Variants in ATP10B observed in about 807,000 individuals in gnomAD.
ATP10B encodes the protein phospholipid-transporting ATPase VB.
A neutral mutation model predicts 141.2 loss-of-function variants in ATP10B; 122 were observed. The observed-to-expected ratio is 0.86, with a 90% CI of 0.75 to 1.00. The LOEUF (loss-of-function observed/expected upper bound fraction) is 1.00. Ranked by LOEUF, ATP10B falls within the 50% of genes least tolerant of loss-of-function variation. The pLI, the probability that ATP10B is intolerant of heterozygous loss-of-function variation, is 0.00. For synonymous variants in ATP10B, 685 were observed against 692.0 expected, an observed-to-expected ratio of 0.99 and a Z score of 0.16; for missense variants, 1,876 against 1,825.3, an observed-to-expected ratio of 1.03 and a Z score of -0.51.
In ATP10B at chr5:160,638,004, C is replaced by T. The variant is rs1759543824; in HGVS notation, c.1001-1695G>A. Among the ~76,000 whole-genome samples the T allele has an allele frequency of 2.6e-5, 4 of 152,140 alleles. No individual in the cohort carries two copies. The South Asian group carries it at 8.3e-4, about 32-fold the overall frequency. ...GAGAAGGCTGAATGGATGAGGAGGA[C>T]TTGAGGGGGTCCTGGAGCCCCAGCA... is the stretch of plus-strand genomic sequence containing the variant. On this transcript the variant is annotated intron_variant, in intron 10 of 25. Coordinates refer to ENST00000327245, the MANE Select transcript of ATP10B (RefSeq NM_025153.3).
intron 8 of ATP10B, 111 bp from the exon 9 acceptor site, chr5:160,644,355 G>GT: frequency 2.7e-6 from 2 of 738,606 alleles, no homozygotes; most frequent in Non-Finnish European, 2.4e-6. Flanking sequence ...TCTCCTCCCT[G>GT]TTTTTTCAGA....
chr5:160,800,938 C>T (rs1772335019), intron 1 of ATP10B, among the ~76,000 whole-genome samples: 2 of 152,154 alleles, frequency 1.3e-5, no homozygotes, highest in Admixed American at 1.3e-4. Context: ...CTTTCTTTTG[C>T]TTCTTATTAA....
chr5:160,578,259 C>T (rs571872656), intron 24 of ATP10B, among the ~76,000 whole-genome samples: 3 of 152,052 alleles, frequency 2.0e-5, no homozygotes, highest in Admixed American at 1.3e-4. Flanking sequence ...AGGTTTGTTA[C>T]GTAGGCATAC....
the ATP10B span, among the ~76,000 whole-genome samples, chr5:160,886,636 G>A: frequency 7.0e-4 from 107 of 152,254 alleles, no homozygotes; most frequent in South Asian, 0.018. Context: ...CGCAAGAATT[G>A]GCTGATCTGA....
chr5:160,766,335 AG>A (rs1449662979), intron 2 of ATP10B, among the ~76,000 whole-genome samples: 6 of 117,156 alleles, frequency 5.1e-5, no homozygotes, highest in Non-Finnish European at 9.2e-5. Context: ...GTGGATAAAG[AG>A]AACACACACA....
intron 2 of ATP10B, among the ~76,000 whole-genome samples, chr5:160,784,981 A>G (rs1299044941): frequency 6.6e-6 from 1 of 152,186 alleles, no homozygotes. Context: ...AGGGACTAAC[A>G]GTTATTCTAA....
intron 2 of ATP10B, among the ~76,000 whole-genome samples, chr5:160,719,048 G>A (rs1444296187): frequency 2.0e-5 from 3 of 152,140 alleles, no homozygotes; most frequent in African/African-American, 7.2e-5. Context: ...GGAACAATTA[G>A]CCAATAAATA....
chr5:160,632,498 G>A (rs1314071269), intron 12 of ATP10B, 131 bp from the exon 13 acceptor site: 10 of 785,076 alleles, frequency 1.3e-5, no homozygotes, highest in African/African-American at 1.2e-4. Flanking sequence ...ATTGGCATCT[G>A]GGCTACCAAG....
Position 160,824,845 on chromosome 5 carries a change from G to A in ATP10B, c.-576+27096C>T, listed in dbSNP as rs202171415. On this transcript the variant is annotated intron_variant, in intron 1 of 25. Transcript: ENST00000327245. ...TTCAATTGCATGTGAGAAGGCACTA[G>A]CCTGGGTGTCAAGGATCTTTCTAGT... 2.0e-5 allele frequency among the ~76,000 whole-genome samples: 3 copies of A among 152,252 alleles called. No individual in the cohort carries two copies. In the East Asian group the frequency reaches 5.8e-4, roughly 29 times the overall value.
chr5:160,799,961 G>C (rs13175076), intron 1 of ATP10B, among the ~76,000 whole-genome samples: 55 of 152,138 alleles, frequency 3.6e-4, no homozygotes, highest in Middle Eastern at 3.4e-3. Flanking sequence ...GGAGCACTCA[G>C]TGCCAGTTAC....
intron 2 of ATP10B, among the ~76,000 whole-genome samples, chr5:160,720,801 T>C (rs1052662383): frequency 6.6e-6 from 1 of 152,240 alleles, no homozygotes; most frequent in Non-Finnish European, 1.5e-5. Flanking sequence ...AAGAGAAATG[T>C]TGCCTTGGTC....
At chr5:160,604,721 T>C (rs6871675) in intron 19 of ATP10B, among the ~76,000 whole-genome samples, 120,246 of 149,908 alleles carry the variant, frequency 0.8, 47,729 homozygotes, top group East Asian at 0.85. Context: ...CACACACACA[T>C]AAACACACAC....
chr5:160,893,120 C>T, the ATP10B span, among the ~76,000 whole-genome samples: 7 of 152,100 alleles, frequency 4.6e-5, no homozygotes, highest in Non-Finnish European at 7.3e-5. Context: ...ACTGGGAGGC[C>T]GTTTGGGCAG....
At chr5:160,871,985 T>C in the ATP10B span, among the ~76,000 whole-genome samples, 1 of 152,170 alleles carries the variant, frequency 6.6e-6, no homozygotes, top group Non-Finnish European at 1.5e-5. Context: ...TTTTCCATAG[T>C]GGCTGTACTA....
intron 2 of ATP10B, among the ~76,000 whole-genome samples, chr5:160,726,435 T>C (rs1179259646): frequency 6.6e-6 from 1 of 152,194 alleles, no homozygotes; most frequent in East Asian, 1.9e-4. Context: ...CATTACAAAG[T>C]GTGAGTCCTG....
intron 24 of ATP10B, among the ~76,000 whole-genome samples, chr5:160,578,384 T>A (rs755380406): frequency 3.9e-5 from 6 of 152,150 alleles, no homozygotes; most frequent in Non-Finnish European, 4.4e-5. Context: ...TTGCCCTCCC[T>A]GTGTCCATGT....
At chr5:160,915,392 T>C in the ATP10B span, among the ~76,000 whole-genome samples, 17 of 151,632 alleles carry the variant, frequency 1.1e-4, no homozygotes, top group Non-Finnish European at 2.9e-5. Flanking sequence ...AGTGCAGTGG[T>C]GTGATCTCGG....
At chr5:160,833,141 A>G (rs1775204908) in intron 1 of ATP10B, among the ~76,000 whole-genome samples, 1 of 152,198 alleles carries the variant, frequency 6.6e-6, no homozygotes, top group African/African-American at 2.4e-5. Flanking sequence ...AAGGCATAGA[A>G]AACTGTTTAC....
chr5:160,662,903 A>C (rs1762040309), intron 7 of ATP10B, among the ~76,000 whole-genome samples: 2 of 152,244 alleles, frequency 1.3e-5, no homozygotes, highest in African/African-American at 4.8e-5. Flanking sequence ...CCCATCTGAC[A>C]AAGGGCTAGT....
Sources: gnomAD v4.1 joint callset for allele counts (sites outside exome capture counted in the v4.1 genomes callset) on GRCh38, gnomAD v4.1.1 for gene constraint, MANE v1.5 for transcripts, NCBI Gene and HGNC (gene_info 2026-07-23, HGNC 2026-07-21) for gene names.